Variants in VPS13B observed in about 807,000 individuals in gnomAD.
The protein encoded by VPS13B is intermembrane lipid transfer protein VPS13B.
Under a neutral mutation model 426.4 loss-of-function variants are expected in VPS13B, and 285 were observed. That is an observed-to-expected ratio of 0.67 (90% CI 0.61 to 0.74). The LOEUF is 0.74. Ranked by LOEUF, VPS13B falls within the 30% of genes least tolerant of loss-of-function variation. The pLI is 0.00. For missense variants in VPS13B, 4,537 were observed against 4,782.6 expected (o/e 0.95, Z 1.51); for synonymous variants, 1,676 against 1,676.4 (o/e 1.00, Z 0.01).
chr8:99,722,857 T>C (rs1173272035), intron 39 of VPS13B, among the ~76,000 whole-genome samples: 1 of 152,220 alleles, frequency 6.6e-6, no homozygotes, highest in Admixed American at 6.5e-5. Flanking sequence ...TCTGTAGATT[T>C]TCAATCAACA....
chr8:99,315,559 C>G (rs944828050), intron 19 of VPS13B, among the ~76,000 whole-genome samples: 114 of 150,752 alleles, frequency 7.6e-4, no homozygotes, highest in African/African-American at 2.7e-3. Context: ...TTCTTTGCAT[C>G]ATTTATGTGT....
At chr8:99,718,907 C>G (rs1228304558) in intron 37 of VPS13B, among the ~76,000 whole-genome samples, 1 of 151,974 alleles carries the variant, frequency 6.6e-6, no homozygotes, top group Non-Finnish European at 1.5e-5. Flanking sequence ...GATCCTCCAC[C>G]CATGCTGGGA....
chr8:99,198,984 G>T (rs923246357), intron 17 of VPS13B, among the ~76,000 whole-genome samples: 4 of 151,974 alleles, frequency 2.6e-5, no homozygotes, highest in Non-Finnish European at 5.9e-5. Context: ...TTATTATTTT[G>T]CGTCTGAGGA....
chr8:99,079,882 G>A (rs1941665332), intron 3 of VPS13B, among the ~76,000 whole-genome samples: 1 of 149,962 alleles, frequency 6.7e-6, no homozygotes, highest in African/African-American at 2.5e-5. Context: ...CCGAGATGGC[G>A]CCCCTGTGCT....
chr8:99,423,382 G>A (rs1371576025), intron 21 of VPS13B, among the ~76,000 whole-genome samples: 1 of 151,302 alleles, frequency 6.6e-6, no homozygotes, highest in Non-Finnish European at 1.5e-5. Context: ...TCAGCTACCT[G>A]AGTAGCTGGG....
In VPS13B at chr8:99,535,611, C is replaced by T. The variant is rs987794522; in HGVS notation, c.4745+14601C>T. ...CTAATTTTTTTCTTTTTACTTTTTT[C>T]ATTTTTTAAAGTGAGTTACAACTTA... On this transcript the variant is annotated intron_variant, in intron 30 of 61. Coordinates refer to ENST00000357162, the MANE Select transcript of VPS13B (RefSeq NM_152564.5). Among the ~76,000 whole-genome samples, 5 of 151,968 alleles carry T rather than the reference C, an allele frequency of 3.3e-5. No individual in the cohort carries two copies. The East Asian group carries it at 7.7e-4, about 23-fold the overall frequency.
At chr8:99,693,066 C>A (rs1026750316) in intron 35 of VPS13B, among the ~76,000 whole-genome samples, 6 of 137,560 alleles carry the variant, frequency 4.4e-5, no homozygotes. Context: ...GTTTACCAAC[C>A]AAAAAGAGTC....
chr8:99,805,222 G>C (rs1813336108), intron 43 of VPS13B, among the ~76,000 whole-genome samples: 1 of 150,632 alleles, frequency 6.6e-6, no homozygotes, highest in African/African-American at 2.4e-5. Flanking sequence ...TATTACTGTA[G>C]GGTAAATTAC....
intron 17 of VPS13B, among the ~76,000 whole-genome samples, chr8:99,203,046 C>CAA (rs55927083): frequency 7.3e-6 from 1 of 136,566 alleles, no homozygotes; most frequent in East Asian, 2.3e-4. Flanking sequence ...GAGACTGTCT[C>CAA]AAAAAAAAAA....
chr8:99,253,375 A>G (rs1210418271), intron 17 of VPS13B, among the ~76,000 whole-genome samples: 2 of 152,180 alleles, frequency 1.3e-5, no homozygotes, highest in Admixed American at 6.6e-5. Context: ...CTGCTGGATC[A>G]TATGGTCACT....
intron 19 of VPS13B, among the ~76,000 whole-genome samples, chr8:99,291,507 T>G (rs949193417): frequency 6.6e-6 from 1 of 152,136 alleles, no homozygotes; most frequent in Non-Finnish European, 1.5e-5. Context: ...TTACTTTAAT[T>G]TATTGGCTGC....
intron 14 of VPS13B, among the ~76,000 whole-genome samples, chr8:99,153,430 A>G (rs1261106329): frequency 1.3e-5 from 2 of 150,960 alleles, no homozygotes; most frequent in African/African-American, 4.9e-5. Flanking sequence ...TGAGCATTTT[A>G]TATTATTCGA....
intron 17 of VPS13B, among the ~76,000 whole-genome samples, chr8:99,242,625 C>G (rs1165225781): frequency 6.6e-6 from 1 of 152,074 alleles, no homozygotes; most frequent in Non-Finnish European, 1.5e-5. Flanking sequence ...GCATCTGAAA[C>G]ACACTGAATT....
intron 30 of VPS13B, among the ~76,000 whole-genome samples, chr8:99,524,439 A>G (rs1030867146): frequency 6.6e-6 from 1 of 152,170 alleles, no homozygotes; most frequent in Non-Finnish European, 1.5e-5. Context: ...TTAATCATCA[A>G]ACTCCCAAAG....
At chr8:99,163,544 G>C (rs908890846) in intron 15 of VPS13B, among the ~76,000 whole-genome samples, 1 of 152,254 alleles carries the variant, frequency 6.6e-6, no homozygotes, top group Non-Finnish European at 1.5e-5. Context: ...GCCCTGCCCC[G>C]TGGGAAGGCA....
At position 99,268,102 on chromosome 8, in the gene VPS13B, CAA is replaced by C. The variant is rs530444412; in HGVS notation, c.2516-6092_2516-6091del. On this transcript the variant is annotated intron_variant, in intron 17 of 61. Transcript: ENST00000357162. ...ATTGGTCCTGAGAGTACACAGAAGA[CAA>C]AAATTGAGGTTTGGGAACCTCTGCT... 1.1e-3 allele frequency among the ~76,000 whole-genome samples: 165 copies of C among 152,154 alleles called. 1 individual carries two copies. Among genetic ancestry groups the C allele is most frequent in the Non-Finnish European group, 2.0e-3 (133 of 68,014 alleles).
intron 4 of VPS13B, among the ~76,000 whole-genome samples, chr8:99,098,278 C>G (rs1040676704): frequency 6.6e-6 from 1 of 152,060 alleles, no homozygotes; most frequent in Non-Finnish European, 1.5e-5. Flanking sequence ...TTTACTTTAT[C>G]TTATCCAGAA....
At chr8:99,297,719 A>G (rs945378925) in intron 19 of VPS13B, among the ~76,000 whole-genome samples, 10 of 152,230 alleles carry the variant, frequency 6.6e-5, no homozygotes, top group East Asian at 3.8e-4. Flanking sequence ...ACAATTTTCT[A>G]TGCAACGTTA....
intron 17 of VPS13B, among the ~76,000 whole-genome samples, chr8:99,254,557 A>T (rs997823703): frequency 5.3e-5 from 8 of 151,550 alleles, no homozygotes; most frequent in Non-Finnish European, 1.2e-4. Context: ...TAATGTTTAG[A>T]TTTTGTCTTT....
Sources: allele counts gnomAD v4.1 joint callset (sites outside exome capture counted in the v4.1 genomes callset), GRCh38; gene constraint gnomAD v4.1.1; transcripts MANE v1.5; gene names NCBI Gene and HGNC (gene_info 2026-07-23, HGNC 2026-07-21).